Variants in MSR1 observed in about 807,000 individuals in gnomAD.
MSR1 encodes macrophage scavenger receptor 1.
Under a neutral mutation model 47.2 loss-of-function variants are expected in MSR1, and 53 were observed. That is an observed-to-expected ratio of 1.12 (90% confidence interval 0.90 to 1.41). The LOEUF (loss-of-function observed/expected upper bound fraction) is 1.41, where lower values mean the gene tolerates loss of function less well. Among genes scored for constraint, MSR1 ranks in the 40% most tolerant of loss-of-function variants. The probability of loss-of-function intolerance (pLI) is 0.00; values close to 1 mark genes in which losing one functional copy is unlikely to be tolerated. For missense variants in MSR1, 786 were observed against 546.9 expected (o/e 1.44, Z -4.36); for synonymous variants, 239 against 185.6 (o/e 1.29, Z -2.34).
intron 8 of MSR1, chr8:16,141,164 T>A: frequency 1.8e-6 from 2 of 1,130,468 alleles, no homozygotes; most frequent in Non-Finnish European, 2.6e-6. Context: ...CACCATTAAC[T>A]ACAGATGTGG....
chr8:16,175,139 T>A lies in MSR1; in HGVS notation c.217+48A>T. The A allele has an allele frequency of 2.0e-6, 3 of 1,481,114 alleles. No individual in the cohort carries two copies. In the South Asian group the frequency reaches 3.4e-5, roughly 17 times the overall value. The allele number at this position is 1,481,114 out of a possible 1,614,324, so 91.7% of individuals were successfully genotyped here. On this transcript the variant is annotated intron_variant, in intron 3 of 9. Coordinates refer to ENST00000262101, the MANE Select transcript of MSR1 (RefSeq NM_138715.3). ...GCTTCTTTTTTGCTTTGGCAATGAA[T>A]AATTCACGGGACGAGTTACTAAATT...
In MSR1 at chr8:16,109,866, G is replaced by C; in HGVS notation, c.*219C>G. Reference sequence around the variant, plus strand: ...ATTCAGCATATAAGTCATTATATTAGAAAATTCCATTTAAAAACCTATAGA... The same window carrying C: ...ATTCAGCATATAAGTCATTATATTACAAAATTCCATTTAAAAACCTATAGA... On this transcript the variant is annotated 3_prime_UTR_variant, in exon 10 of 10. Transcript: ENST00000262101. The C allele has an allele frequency of 1.7e-6, 1 of 592,078 alleles. No homozygotes were observed. Among genetic ancestry groups the C allele is most frequent in the Non-Finnish European group, 2.9e-6 (1 of 346,072 alleles). 36.7% of individuals were successfully genotyped at this position (592,078 alleles called of 1,614,324 possible).
chr8:16,149,813 A>G (rs1800797884), intron 7 of MSR1, among the ~76,000 whole-genome samples: 2 of 152,020 alleles, frequency 1.3e-5, no homozygotes, highest in South Asian at 4.2e-4. Context: ...TTAAACGGGT[A>G]TTTACACTTT....
Position 16,120,549 on chromosome 8 carries a change from T to C in MSR1, c.1091A>G (p.Glu364Gly). ...ACCCCACTGGCCGCTGTGGAGTATC[T>C]CCACCCTCCCCTCGTGAGGGCCGCT... ...GGSGPHEGRV[E>G]ILHSGQWGTI... The change falls in exon 9 of 10, where the codon GAG becomes GGG. Residue 364 changes from glutamate (E) to glycine (G), a missense_variant. Physicochemically the swap from Glu to Gly is moderately conservative, Grantham distance 98. Transcript: ENST00000262101. 1 of 1,604,720 alleles carries C rather than the reference T, an allele frequency of 6.2e-7. No individual in the cohort carries two copies. The highest frequency in any genetic ancestry group is 8.5e-7 in the Non-Finnish European group (1 of 1,178,506).
intron 8 of MSR1, chr8:16,140,643 AC>A (rs1052199271): frequency 8.4e-7 from 1 of 1,192,674 alleles, no homozygotes; most frequent in African/African-American, 1.5e-5. Flanking sequence ...TTCTCCTAGA[AC>A]CCAATAAATT....
At chr8:16,141,113 A>C in intron 8 of MSR1, 1 of 1,554,374 alleles carries the variant, frequency 6.4e-7, no homozygotes, top group South Asian at 1.1e-5. Context: ...ACAAAATTTT[A>C]AAGATGCATA....
At chr8:16,146,912 T>A (rs186579274) in intron 7 of MSR1, among the ~76,000 whole-genome samples, 2 of 152,264 alleles carry the variant, frequency 1.3e-5, no homozygotes, top group African/African-American at 4.8e-5. Flanking sequence ...GATAGCTCCA[T>A]GAATCACAGA....
chr8:16,120,079 T>A (rs181574493), intron 9 of MSR1, among the ~76,000 whole-genome samples: 40 of 151,914 alleles, frequency 2.6e-4, no homozygotes, highest in Admixed American at 7.2e-4. Flanking sequence ...TTCATTTTTT[T>A]AAAAACAAAA....
At chr8:16,163,039 G>A (rs1441587384) in intron 5 of MSR1, among the ~76,000 whole-genome samples, 1 of 151,900 alleles carries the variant, frequency 6.6e-6, no homozygotes, top group Admixed American at 6.6e-5. Context: ...TGTATTTTAG[G>A]ATGAATGTTA....
intron 2 of MSR1, among the ~76,000 whole-genome samples, chr8:16,177,090 T>C (rs1178070120): frequency 6.6e-6 from 1 of 152,188 alleles, no homozygotes; most frequent in Non-Finnish European, 1.5e-5. Context: ...CAGCTGAGTA[T>C]TGCTACTTTT....
chr8:16,185,179 A>C (rs868801524), intron 1 of MSR1, among the ~76,000 whole-genome samples: 5 of 151,714 alleles, frequency 3.3e-5, no homozygotes, highest in Middle Eastern at 6.8e-3. Flanking sequence ...GCTCACATTC[A>C]TCAGAGATAA....
At chr8:16,127,976 T>A (rs977920910) in intron 8 of MSR1, among the ~76,000 whole-genome samples, 1 of 152,202 alleles carries the variant, frequency 6.6e-6, no homozygotes, top group African/African-American at 2.4e-5. Flanking sequence ...ATTCTGGTAA[T>A]TTTTATTATC....
chr8:16,123,465 A>T (rs1382051026), intron 8 of MSR1, among the ~76,000 whole-genome samples: 2 of 152,084 alleles, frequency 1.3e-5, no homozygotes, highest in African/African-American at 2.4e-5. Context: ...TGTCACAAAG[A>T]TGTAAAGAAT....
chr8:16,112,787 C>A (rs565432406), intron 9 of MSR1, among the ~76,000 whole-genome samples: 3 of 151,770 alleles, frequency 2.0e-5, no homozygotes, highest in Non-Finnish European at 4.4e-5. Context: ...ACAAAAATTA[C>A]GTGTGTTTCT....
rs1051280589 is a variant in MSR1, at chr8:16,177,874, C to A, written c.103+12G>T. 3.1e-6 allele frequency: 5 copies of A among 1,609,040 alleles called. No individual in the cohort carries two copies. In the South Asian group the frequency reaches 5.5e-5, roughly 18 times the overall value. ...AACAACCTCCATGGGCAGCCCATCC[C>A]CCTCTACTTACTCGGAGGAAGCAAA... On this transcript the variant is annotated intron_variant, in intron 2 of 9. Transcript: ENST00000262101.
chr8:16,176,957 T>A (rs1016629272), intron 2 of MSR1, among the ~76,000 whole-genome samples: 3 of 152,234 alleles, frequency 2.0e-5, no homozygotes. Context: ...TTCTTCACAC[T>A]GAAATATCTT....
chr8:16,174,425 C>T (rs1801580807), intron 3 of MSR1, among the ~76,000 whole-genome samples: 2 of 152,156 alleles, frequency 1.3e-5, no homozygotes, highest in South Asian at 2.1e-4. Context: ...ATCCAAAATG[C>T]TACGCGGGGA....
intron 8 of MSR1, among the ~76,000 whole-genome samples, 188 bp downstream of exon 8, chr8:16,143,370 T>G (rs1417366922): frequency 6.6e-6 from 1 of 152,140 alleles, no homozygotes; most frequent in Non-Finnish European, 1.5e-5. Flanking sequence ...TTGAAAGAGT[T>G]GTATAATATA....
At chr8:16,190,533 T>G (rs1342300632) in intron 1 of MSR1, among the ~76,000 whole-genome samples, 1 of 152,102 alleles carries the variant, frequency 6.6e-6, no homozygotes, top group Non-Finnish European at 1.5e-5. Flanking sequence ...CATACATTGT[T>G]CTTCTTGGGT....
Sources: gnomAD v4.1 joint callset for allele counts (sites outside exome capture counted in the v4.1 genomes callset) on GRCh38, gnomAD v4.1.1 for gene constraint, MANE v1.5 for transcripts, NCBI Gene and HGNC (gene_info 2026-07-23, HGNC 2026-07-21) for gene names.